The following SLC6A11 variants were observed in gnomAD, a reference collection of about 807,000 sequenced individuals.
SLC6A11 encodes the protein sodium- and chloride-dependent GABA transporter 3.
A neutral mutation model predicts 74.8 loss-of-function variants in SLC6A11; 25 were observed. The ratio of observed to expected loss-of-function variants is 0.33; its 90% CI spans 0.24 to 0.47. SLC6A11 has a LOEUF of 0.47. SLC6A11 is among the 20% of genes least tolerant of loss of function. The pLI, the probability that SLC6A11 is intolerant of heterozygous loss-of-function variation, is 1.00. For missense variants in SLC6A11, 574 were observed against 837.0 expected, an observed-to-expected ratio of 0.69 and a Z score of 3.88; for synonymous variants, 330 against 330.2, an observed-to-expected ratio of 1.00 and a Z score of 0.01.
At chr3:10,933,465 C>A (rs1695717673) in intron 11 of SLC6A11, among the ~76,000 whole-genome samples, 1 of 152,206 alleles carries the variant, frequency 6.6e-6, no homozygotes. Flanking sequence ...AGGGCTCAGG[C>A]ACTATGATCT....
rs187207983 is a variant in SLC6A11 at position 10,834,767 on chromosome 3, C to T, written c.624-9447C>T. Reference sequence around the variant, plus strand: ...AATTGGGACCCTGAGCAGGTAATGCCGAAGCTCGAGTTTCCTCCTCTGTAG... The same window carrying T: ...AATTGGGACCCTGAGCAGGTAATGCTGAAGCTCGAGTTTCCTCCTCTGTAG... On this transcript the variant is annotated intron_variant, in intron 4 of 13. Transcript: ENST00000254488. Among the ~76,000 whole-genome samples the T allele has an allele frequency of 9.9e-5, 15 of 152,214 alleles. No homozygotes were observed. The East Asian group carries it at 2.5e-3, about 25-fold the overall frequency.
Position 10,920,119 on chromosome 3 carries a change from G to A in SLC6A11, c.1120+1666G>A, listed in dbSNP as rs370065281. 1.8e-4 allele frequency among the ~76,000 whole-genome samples: 27 copies of A among 152,232 alleles called. No individual in the cohort carries two copies. The East Asian group carries it at 2.9e-3, about 16-fold the overall frequency. ...AAAGTGCGCACCCTGAAACTCCCTC[G>A]CAGTGTTGCATGAGACAGAGTATCC... On this transcript the variant is annotated intron_variant, in intron 8 of 13. Transcript: ENST00000254488.
chr3:10,885,627 A>T (rs900048438), intron 6 of SLC6A11, among the ~76,000 whole-genome samples: 5 of 150,704 alleles, frequency 3.3e-5, no homozygotes, highest in African/African-American at 1.2e-4. Context: ...CAGGTCCCAG[A>T]TGTCTGTAGT....
chr3:10,847,803 C>T (rs1032089064), intron 5 of SLC6A11, among the ~76,000 whole-genome samples: 1 of 152,150 alleles, frequency 6.6e-6, no homozygotes, highest in African/African-American at 2.4e-5. Flanking sequence ...GAGACGAGCC[C>T]AGCATCCAAA....
At chr3:10,909,819 C>T (rs1365462038) in intron 6 of SLC6A11, among the ~76,000 whole-genome samples, 1 of 152,154 alleles carries the variant, frequency 6.6e-6, no homozygotes, top group Admixed American at 6.5e-5. Context: ...TGAGACAAAG[C>T]GGGAGGAATT....
At chr3:10,832,562 A>T (rs1457962283) in intron 4 of SLC6A11, among the ~76,000 whole-genome samples, 1 of 152,256 alleles carries the variant, frequency 6.6e-6, no homozygotes, top group East Asian at 1.9e-4. Context: ...ATAGGCATAT[A>T]AATGGGATAT....
In SLC6A11 at chr3:10,936,850, C is replaced by A. The variant is rs192079973; in HGVS notation, c.1747-1400C>A. ...GAGATCATCTCCGGCCTGGTGTGGGCGGGAAAGCAGGGGAGGGAGCCTTCT... is the reference window on the plus strand; with the variant it reads ...GAGATCATCTCCGGCCTGGTGTGGGAGGGAAAGCAGGGGAGGGAGCCTTCT... On this transcript the variant is annotated intron_variant, in intron 13 of 13. Transcript: ENST00000254488. Among the ~76,000 whole-genome samples, 1,235 of 152,238 alleles carry A rather than the reference C, an allele frequency of 8.1e-3. 13 individuals carry two copies. The highest frequency in any genetic ancestry group is 0.012 in the Non-Finnish European group (815 of 68,010).
chr3:10,816,367 G>C lies in SLC6A11; in HGVS notation c.102G>C (p.Ala34=). ...PGGGCSSGGA[A]PARHPRVKRD... ...GCGGCTGCAGCAGCGGGGGCGCGGCGCCCGCGCGCCACCCGCGCGTCAAGC... is the reference window on the plus strand; with the variant it reads ...GCGGCTGCAGCAGCGGGGGCGCGGCCCCCGCGCGCCACCCGCGCGTCAAGC... The change falls in exon 1 of 14, where the codon GCG becomes GCC. Residue 34 remains alanine, a synonymous_variant. Coordinates refer to ENST00000254488, the MANE Select transcript of SLC6A11 (RefSeq NM_014229.3). This position sits in a 1 kb window ranked among gnomAD's most constrained non-coding sequence, Gnocchi z 4.2. The C allele has an allele frequency of 1.4e-6, 2 of 1,470,290 alleles. No individual in the cohort carries two copies. Among genetic ancestry groups the C allele is most frequent in the Non-Finnish European group, 1.8e-6 (2 of 1,111,450 alleles). The allele number at this position is 1,470,290 out of a possible 1,614,324, so 91.1% of individuals were successfully genotyped here. A position where few individuals can be genotyped will look rare whatever the true frequency, so the allele number is the denominator to read the frequency against.
chr3:10,840,970 C>T (rs375262837), intron 4 of SLC6A11, among the ~76,000 whole-genome samples: 1 of 152,142 alleles, frequency 6.6e-6, no homozygotes, highest in South Asian at 2.1e-4. Context: ...GAGGTGATGC[C>T]GCTTCCCCGA....
intron 6 of SLC6A11, among the ~76,000 whole-genome samples, chr3:10,894,064 G>T (rs1023808897): frequency 6.6e-6 from 1 of 152,188 alleles, no homozygotes; most frequent in South Asian, 2.1e-4. Flanking sequence ...AGGAGGGCGT[G>T]TTGTGGTGGC....
At chr3:10,903,008 G>T (rs540376888) in intron 6 of SLC6A11, among the ~76,000 whole-genome samples, 5 of 152,250 alleles carry the variant, frequency 3.3e-5, no homozygotes, top group Non-Finnish European at 5.9e-5. Context: ...CTTTCCATCT[G>T]GTATGTCATA....
intron 1 of SLC6A11, among the ~76,000 whole-genome samples, chr3:10,818,353 CTCT>C (rs1694091899): frequency 6.6e-6 from 1 of 152,172 alleles, no homozygotes; most frequent in African/African-American, 2.4e-5. Flanking sequence ...TAAACAGATC[CTCT>C]TATCTCCTTT....
chr3:10,864,168 A>G (rs1477901118), intron 5 of SLC6A11, among the ~76,000 whole-genome samples: 1 of 151,848 alleles, frequency 6.6e-6, no homozygotes, highest in Non-Finnish European at 1.5e-5. Flanking sequence ...CAAATAATAG[A>G]GTCTTGGACT....
At chr3:10,930,701 C>T (rs6791465) in intron 10 of SLC6A11, among the ~76,000 whole-genome samples, 50,683 of 151,936 alleles carry the variant, frequency 0.33, 8,956 homozygotes, top group Non-Finnish European at 0.4. Flanking sequence ...GATGTTGGCA[C>T]GGGCATCAGC....
intron 6 of SLC6A11, among the ~76,000 whole-genome samples, chr3:10,888,494 G>A (rs1219431320): frequency 6.6e-5 from 10 of 152,184 alleles, no homozygotes; most frequent in East Asian, 1.9e-4. Context: ...TAGTGCCATC[G>A]TGTGAGTTTG....
chr3:10,934,445 C>T (rs982156896), intron 12 of SLC6A11, among the ~76,000 whole-genome samples: 1 of 152,222 alleles, frequency 6.6e-6, no homozygotes, highest in Non-Finnish European at 1.5e-5. Context: ...GGCGCTGGAT[C>T]CGCCTCAGAG....
chr3:10,936,704 CAT>C (rs1386514969), intron 13 of SLC6A11, among the ~76,000 whole-genome samples: 5 of 152,220 alleles, frequency 3.3e-5, no homozygotes, highest in Non-Finnish European at 7.3e-5. Flanking sequence ...TCAGGCCAAA[CAT>C]GTCCAGAGGG....
Position 10,910,245 on chromosome 3 carries a change from CTT to C in SLC6A11, c.892-1844_892-1843del, listed in dbSNP as rs1315091412. Among the ~76,000 whole-genome samples, 8 of 152,324 alleles carry C rather than the reference CTT, an allele frequency of 5.3e-5. No homozygotes were observed. In the East Asian group the frequency reaches 1.5e-3, roughly 29 times the overall value. ...TTTTAATAGGCAATTTGTTGAATGA[CTT>C]AACACAGTTGGGCAGACCCACGATA... is the stretch of plus-strand genomic sequence containing the variant. On this transcript the variant is annotated intron_variant, in intron 6 of 13. Transcript: ENST00000254488.
chr3:10,933,468 T>C (rs1312378918), intron 11 of SLC6A11, among the ~76,000 whole-genome samples: 1 of 152,198 alleles, frequency 6.6e-6, no homozygotes, highest in East Asian at 1.9e-4. Context: ...GCTCAGGCAC[T>C]ATGATCTTGG....
Sources: allele counts gnomAD v4.1 joint callset (sites outside exome capture counted in the v4.1 genomes callset), GRCh38; gene constraint gnomAD v4.1.1; non-coding constraint Gnocchi (gnomAD v3.1); transcripts MANE v1.5; gene names NCBI Gene and HGNC (gene_info 2026-07-23, HGNC 2026-07-21).